TENM3: variants seen among roughly 807,000 people sequenced by gnomAD.
The protein encoded by TENM3 is teneurin transmembrane protein 3.
Under a neutral mutation model 255.1 loss-of-function variants are expected in TENM3, and 63 were observed. The ratio of observed to expected loss-of-function variants is 0.25; its 90% confidence interval spans 0.20 to 0.30. The LOEUF (loss-of-function observed/expected upper bound fraction) is 0.30, where lower values mean the gene tolerates loss of function less well. Ranked by LOEUF, TENM3 falls within the 10% of genes least tolerant of loss-of-function variation. TENM3 has a pLI of 1.00. For synonymous variants in TENM3, 1,306 were observed against 1,322.3 expected (o/e 0.99, Z 0.27); for missense variants, 2,929 against 3,461.1 (o/e 0.85, Z 3.86).
chr4:181,721,119 AG>A, the TENM3 span, among the ~76,000 whole-genome samples: 1 of 151,864 alleles, frequency 6.6e-6, no homozygotes, highest in African/African-American at 2.4e-5. Flanking sequence ...AAAAAAAAAA[AG>A]GGTCATTCCG....
At chr4:182,654,567 T>C (rs1471425893) in intron 6 of TENM3, among the ~76,000 whole-genome samples, 1 of 152,132 alleles carries the variant, frequency 6.6e-6, no homozygotes, top group Non-Finnish European at 1.5e-5. Flanking sequence ...ATCCTCTGAC[T>C]TTTTGCAAAA....
At chr4:182,362,626 C>T (rs1300000312) in intron 3 of TENM3, among the ~76,000 whole-genome samples, 1 of 152,156 alleles carries the variant, frequency 6.6e-6, no homozygotes, top group Non-Finnish European at 1.5e-5. Flanking sequence ...TGCCGTCTGT[C>T]ACCCCTTTCT....
At chr4:181,630,961 G>A in the TENM3 span, among the ~76,000 whole-genome samples, 1 of 152,098 alleles carries the variant, frequency 6.6e-6, no homozygotes, top group Non-Finnish European at 1.5e-5. Flanking sequence ...CCACTTATTG[G>A]CTTACAGTTT....
chr4:181,852,917 A>C, the TENM3 span, among the ~76,000 whole-genome samples: 3 of 152,200 alleles, frequency 2.0e-5, no homozygotes, highest in Admixed American at 2.0e-4. Context: ...TACACTTACA[A>C]ATGGTTAAAG....
intron 3 of TENM3, among the ~76,000 whole-genome samples, chr4:182,473,562 AC>A (rs1489477575): frequency 1.3e-5 from 2 of 152,092 alleles, no homozygotes; most frequent in Non-Finnish European, 1.5e-5. Flanking sequence ...AGTCCCAGCT[AC>A]TCGGGAGGCT....
At chr4:182,746,517 C>T (rs954955155) in intron 19 of TENM3, among the ~76,000 whole-genome samples, 2 of 152,058 alleles carry the variant, frequency 1.3e-5, no homozygotes, top group African/African-American at 2.4e-5. Flanking sequence ...GGCAGAAAGG[C>T]AGGGGAGGGT....
chr4:182,623,818 G>A (rs191894332), intron 4 of TENM3, among the ~76,000 whole-genome samples: 4 of 152,100 alleles, frequency 2.6e-5, no homozygotes, highest in East Asian at 1.9e-4. Flanking sequence ...TGCGGGGGTC[G>A]CCTTCGTTCC....
intron 13 of TENM3, among the ~76,000 whole-genome samples, chr4:182,719,692 T>A (rs1485616077): frequency 6.6e-6 from 1 of 152,082 alleles, no homozygotes; most frequent in East Asian, 1.9e-4. Flanking sequence ...CAACTGAGGT[T>A]ATTCAGAAAT....
intron 19 of TENM3, among the ~76,000 whole-genome samples, chr4:182,747,911 T>G (rs1039043946): frequency 2.6e-5 from 4 of 152,208 alleles, no homozygotes; most frequent in African/African-American, 9.7e-5. Context: ...CTTTTATATG[T>G]GAATATAGTT....
the TENM3 span, among the ~76,000 whole-genome samples, chr4:181,892,197 C>A: frequency 6.6e-6 from 1 of 152,158 alleles, no homozygotes; most frequent in South Asian, 2.1e-4. Flanking sequence ...TGAATGTCTC[C>A]TTGCTTCTAT....
Position 182,346,857 on chromosome 4 carries a change from C to T in TENM3, c.439C>T (p.Leu147=), listed in dbSNP as rs151089580. 94 of 1,613,400 alleles carry T rather than the reference C, an allele frequency of 5.8e-5. No individual in the cohort carries two copies. In the East Asian group the frequency reaches 1.7e-3, roughly 29 times the overall value. The stretch of plus-strand genomic sequence containing the variant: ...GGTCAAATCAGGCCGCAGCTCCTGC[C>T]TGTCAAGTCGGTCCAACTCAGCCCT... ...RGVKSGRSSC[L]SSRSNSALTL... The change falls in exon 3 of 28, where the codon CTG becomes TTG. Residue 147 remains leucine, a synonymous_variant. Transcript: ENST00000511685.
chr4:182,740,049 G>A (rs556339777), intron 18 of TENM3, among the ~76,000 whole-genome samples: 1 of 152,184 alleles, frequency 6.6e-6, no homozygotes, highest in Non-Finnish European at 1.5e-5. Flanking sequence ...AAACAAAAAA[G>A]GAAGAAAATG....
chr4:182,728,768 C>G (rs1206321680), intron 13 of TENM3, among the ~76,000 whole-genome samples, 197 bp from the exon 14 acceptor site: 2 of 151,978 alleles, frequency 1.3e-5, no homozygotes, highest in Non-Finnish European at 2.9e-5. Context: ...TATATATGGT[C>G]TGTCATTATG....
chr4:181,861,289 A>G, the TENM3 span, among the ~76,000 whole-genome samples: 4 of 152,184 alleles, frequency 2.6e-5, no homozygotes. Context: ...AAGTCAATTC[A>G]GTCTTTTCCA....
At chr4:182,279,022 C>T (rs1329310549) in intron 1 of TENM3, among the ~76,000 whole-genome samples, 6 of 152,186 alleles carry the variant, frequency 3.9e-5, no homozygotes, top group Non-Finnish European at 5.9e-5. Context: ...GGGCAGGGGC[C>T]GCTGCAAGGA....
chr4:181,702,187 C>T, the TENM3 span, among the ~76,000 whole-genome samples: 2 of 152,204 alleles, frequency 1.3e-5, no homozygotes, highest in Non-Finnish European at 2.9e-5. Flanking sequence ...GAAACTGAGG[C>T]TATGGACAAC....
intron 22 of TENM3, among the ~76,000 whole-genome samples, chr4:182,773,054 G>A (rs1764388921): frequency 6.6e-6 from 1 of 152,186 alleles, no homozygotes; most frequent in African/African-American, 2.4e-5. Context: ...TAAACATACT[G>A]TACTGTACTG....
intron 1 of TENM3, among the ~76,000 whole-genome samples, chr4:182,215,525 CA>C (rs1462240467): frequency 1.3e-5 from 2 of 152,152 alleles, no homozygotes; most frequent in African/African-American, 4.8e-5. Flanking sequence ...CACAGCCAAT[CA>C]AAATGTACTG....
intron 26 of TENM3, among the ~76,000 whole-genome samples, chr4:182,795,453 T>C (rs973668253): frequency 6.6e-6 from 1 of 152,198 alleles, no homozygotes; most frequent in Admixed American, 6.5e-5. Context: ...TTGCATCCTG[T>C]GTGAACCACT....
Sources: gnomAD v4.1 joint callset for allele counts (sites outside exome capture counted in the v4.1 genomes callset) on GRCh38, gnomAD v4.1.1 for gene constraint, MANE v1.5 for transcripts, NCBI Gene and HGNC (gene_info 2026-07-23, HGNC 2026-07-21) for gene names.